The following THEMIS variants were observed in gnomAD, a reference collection of about 807,000 sequenced individuals.
THEMIS encodes protein THEMIS.
A neutral mutation model predicts 52.6 loss-of-function variants in THEMIS; 37 were observed. That is an observed-to-expected ratio of 0.70 (90% CI 0.54 to 0.93). The LOEUF is 0.93. THEMIS is among the 40% of genes least tolerant of loss of function. THEMIS has a pLI of 0.00. For missense variants in THEMIS, 808 were observed against 763.1 expected (o/e 1.06, Z -0.69); for synonymous variants, 292 against 272.7 (o/e 1.07, Z -0.70).
chr6:127,892,488 G>A (rs1332160313), intron 1 of THEMIS, among the ~76,000 whole-genome samples: 1 of 152,088 alleles, frequency 6.6e-6, no homozygotes, highest in African/African-American at 2.4e-5. Context: ...TAGAATATAA[G>A]CTCCGAGAGG....
At chr6:127,798,187 C>T (rs1232084745) in intron 4 of THEMIS, among the ~76,000 whole-genome samples, 1 of 152,092 alleles carries the variant, frequency 6.6e-6, no homozygotes, top group African/African-American at 2.4e-5. Flanking sequence ...TTTTATTTTC[C>T]TCTTTCATTT....
At chr6:127,875,644 G>A (rs1163924755) in intron 1 of THEMIS, among the ~76,000 whole-genome samples, 1 of 152,202 alleles carries the variant, frequency 6.6e-6, no homozygotes, top group Non-Finnish European at 1.5e-5. Flanking sequence ...AGGAACTCAA[G>A]TTTTACATAC....
chr6:127,910,459 T>A (rs1781383303), intron 1 of THEMIS, among the ~76,000 whole-genome samples: 1 of 152,162 alleles, frequency 6.6e-6, no homozygotes, highest in African/African-American at 2.4e-5. Flanking sequence ...TATTCAAAAG[T>A]AATTGAATAT....
At chr6:127,741,807 G>A (rs1023208433) in intron 4 of THEMIS, among the ~76,000 whole-genome samples, 3 of 152,190 alleles carry the variant, frequency 2.0e-5, no homozygotes, top group African/African-American at 2.4e-5. Context: ...TATAAGAGAA[G>A]GAACCATTAA....
At chr6:127,723,921 T>A (rs1774450847) in intron 4 of THEMIS, among the ~76,000 whole-genome samples, 1 of 152,106 alleles carries the variant, frequency 6.6e-6, no homozygotes, top group African/African-American at 2.4e-5. Flanking sequence ...AAACTATGCA[T>A]GCCCTGTTCA....
At chr6:127,914,499 T>C (rs77722995) in intron 1 of THEMIS, among the ~76,000 whole-genome samples, 2,014 of 152,278 alleles carry the variant, frequency 0.013, 46 homozygotes, top group African/African-American at 0.045. Flanking sequence ...TGTGTACTTT[T>C]ACTGCACACC....
intron 1 of THEMIS, among the ~76,000 whole-genome samples, chr6:127,884,073 T>C (rs1780571173): frequency 6.6e-6 from 1 of 152,196 alleles, no homozygotes; most frequent in Non-Finnish European, 1.5e-5. Context: ...CATTTATTCC[T>C]GACATTCTCT....
rs1233558151 is a variant in THEMIS, at chr6:127,729,537, T to G, written c.1759-9714A>C. 2.6e-5 allele frequency among the ~76,000 whole-genome samples: 4 copies of G among 152,178 alleles called. 1 individual carries two copies. The highest frequency in any genetic ancestry group is 5.9e-5 in the Non-Finnish European group (4 of 68,040). On this transcript the variant is annotated intron_variant, in intron 4 of 5. Transcript: ENST00000368248. ...CTTAGAAACAACACTTGATTTCTTC[T>G]GTTTCTTACTGACTCACAAAATGTC...
intron 2 of THEMIS, among the ~76,000 whole-genome samples, chr6:127,842,136 A>AT (rs1779069144): frequency 6.6e-6 from 1 of 151,962 alleles, no homozygotes; most frequent in South Asian, 2.1e-4. Flanking sequence ...AAATGTATAT[A>AT]TTTTTTGCAT....
At chr6:127,916,243 T>A (rs944058618) in intron 1 of THEMIS, among the ~76,000 whole-genome samples, 1 of 151,748 alleles carries the variant, frequency 6.6e-6, no homozygotes. Flanking sequence ...AATAATTATA[T>A]AGATATGTAT....
chr6:127,822,409 A>T (rs1017659476), intron 3 of THEMIS, among the ~76,000 whole-genome samples: 1 of 152,088 alleles, frequency 6.6e-6, no homozygotes, highest in Non-Finnish European at 1.5e-5. Flanking sequence ...TCTGCTGTCC[A>T]TATTTCTAAA....
chr6:127,784,633 T>C (rs1230571479), intron 4 of THEMIS, among the ~76,000 whole-genome samples: 1 of 152,172 alleles, frequency 6.6e-6, no homozygotes, highest in Non-Finnish European at 1.5e-5. Flanking sequence ...GAGTCACTGC[T>C]GAAGCAGAAA....
At chr6:127,771,209 G>C (rs998380410) in intron 4 of THEMIS, among the ~76,000 whole-genome samples, 1 of 152,046 alleles carries the variant, frequency 6.6e-6, no homozygotes, top group Non-Finnish European at 1.5e-5. Flanking sequence ...AAACTTACAA[G>C]GGATGTGAAG....
At chr6:127,785,220 T>TTATCTATG (rs1554223985) in intron 4 of THEMIS, among the ~76,000 whole-genome samples, 2 of 93,758 alleles carry the variant, frequency 2.1e-5, no homozygotes, top group Non-Finnish European at 5.1e-5. Flanking sequence ...ATTATCTATC[T>TTATCTATG]TATCTATCTA....
At chr6:127,727,594 A>G (rs763854976) in intron 4 of THEMIS, among the ~76,000 whole-genome samples, 65 of 152,164 alleles carry the variant, frequency 4.3e-4, no homozygotes, top group Non-Finnish European at 7.9e-4. Context: ...AGGCTTTCAC[A>G]TGAGTCTTTA....
upstream of THEMIS, among the ~76,000 whole-genome samples, chr6:127,902,137 C>A (rs556239067): frequency 4.0e-5 from 6 of 151,496 alleles, no homozygotes; most frequent in African/African-American, 9.7e-5. Flanking sequence ...CCAGCCTGGG[C>A]AACATAGTGA....
At chr6:127,893,702 A>T (rs960141794) in intron 1 of THEMIS, among the ~76,000 whole-genome samples, 1 of 152,130 alleles carries the variant, frequency 6.6e-6, no homozygotes, top group Admixed American at 6.6e-5. Context: ...AGAACCTCAC[A>T]TGATTTGACA....
rs1276550895 is a variant in THEMIS at position 127,709,308 on chromosome 6, A to C, written c.*677T>G. The stretch of plus-strand genomic sequence containing the variant: ...ATAGAATATTAAGACATCGTCTCAG[A>C]AATCTGGTGAAATTTCAGTCATGAG... On this transcript the variant is annotated 3_prime_UTR_variant, in exon 6 of 6. Coordinates refer to ENST00000368248, the MANE Select transcript of THEMIS (RefSeq NM_001010923.3). 6.6e-6 allele frequency: 1 copy of C among 152,208 alleles called. No individual in the cohort carries two copies. Among genetic ancestry groups the C allele is most frequent in the African/African-American group, 2.4e-5 (1 of 41,558 alleles). 9.4% of individuals were successfully genotyped at this position (152,208 alleles called of 1,614,324 possible).
intron 1 of THEMIS, among the ~76,000 whole-genome samples, chr6:127,892,374 C>G (rs1391631836): frequency 6.6e-6 from 1 of 152,154 alleles, no homozygotes; most frequent in African/African-American, 2.4e-5. Flanking sequence ...CCCGGTCACC[C>G]TATCAAAAGA....
Sources: allele counts gnomAD v4.1 joint callset (sites outside exome capture counted in the v4.1 genomes callset), GRCh38; gene constraint gnomAD v4.1.1; transcripts MANE v1.5; gene names NCBI Gene and HGNC (gene_info 2026-07-23, HGNC 2026-07-21).